The following ABCC4 variants were observed in gnomAD, a reference collection of about 807,000 sequenced individuals.
ABCC4 encodes the protein ATP-binding cassette sub-family C member 4.
A neutral mutation model predicts 168.5 loss-of-function variants in ABCC4; 102 were observed. The observed-to-expected ratio is 0.61, with a 90% CI of 0.52 to 0.71. ABCC4 has a LOEUF of 0.71. Among genes scored for constraint, ABCC4 ranks in the 30% least tolerant of loss-of-function variants. The pLI is 0.00. For synonymous variants in ABCC4, 617 were observed against 590.7 expected (o/e 1.04, Z -0.65); for missense variants, 1,402 against 1,605.8 (o/e 0.87, Z 2.17).
At chr13:95,166,891 A>G (rs571486965) in intron 14 of ABCC4, among the ~76,000 whole-genome samples, 10 of 152,204 alleles carry the variant, frequency 6.6e-5, no homozygotes, top group African/African-American at 1.9e-4. Context: ...TCTTTACTCT[A>G]AAATTGCCCC....
chr13:95,106,290 T>C (rs998812402), intron 20 of ABCC4, among the ~76,000 whole-genome samples: 5 of 151,952 alleles, frequency 3.3e-5, no homozygotes, highest in African/African-American at 1.2e-4. Flanking sequence ...AATTGGAAGA[T>C]TACATATCAA....
At chr13:95,083,047 C>T (rs2034146892) in intron 21 of ABCC4, 93 bp downstream of exon 21, 2 of 1,397,206 alleles carry the variant, frequency 1.4e-6, no homozygotes, top group East Asian at 4.6e-5. Flanking sequence ...TTCTGGAAGA[C>T]AGAGTCTGCC....
In ABCC4 at chr13:95,062,701, T is replaced by C. The variant is rs1183571004; in HGVS notation, c.3366+3A>G. On this transcript the variant is annotated splice_donor_region_variant and intron_variant, in intron 26 of 30. Coordinates refer to ENST00000645237, the MANE Select transcript of ABCC4 (RefSeq NM_005845.5). ...GCAGGTAAGGACGCTATGACTTGCA[T>C]ACCTGAGGTATGATTGACATCTTCT... 1.2e-6 allele frequency: 2 copies of C among 1,613,334 alleles called. No homozygotes were observed. The highest frequency in any genetic ancestry group is 4.5e-5 in the East Asian group (2 of 44,868).
At chr13:95,032,400 C>A (rs988213471) in intron 30 of ABCC4, among the ~76,000 whole-genome samples, 2 of 152,200 alleles carry the variant, frequency 1.3e-5, no homozygotes, top group Admixed American at 6.5e-5. Flanking sequence ...CTGCTCTATT[C>A]TTTGGCTTAT....
In ABCC4 at chr13:95,075,423, T is replaced by C. The variant is rs1329813293; in HGVS notation, c.2806+9A>G. On this transcript the variant is annotated intron_variant, in intron 22 of 30. Transcript: ENST00000645237. The stretch of plus-strand genomic sequence containing the variant: ...TGTCCTTTGAAACCATTTCCAGAAA[T>C]AGACAGACCTGAATGTAAATCCTGG... 1.9e-5 allele frequency: 30 copies of C among 1,613,734 alleles called. No individual in the cohort carries two copies. Among genetic ancestry groups the C allele is most frequent in the Non-Finnish European group, 2.4e-5 (28 of 1,179,938 alleles).
chr13:95,168,343 C>T lies in ABCC4; in HGVS notation c.1825-1976G>A, dbSNP rs111909229. On this transcript the variant is annotated intron_variant, in intron 14 of 30. Transcript: ENST00000645237. ...GGGGGAGTGGGGAAGAGCCAGCACA[C>T]GGAACCACTTCTGAAGAGGCAGCAG... Among the ~76,000 whole-genome samples, 827 of 152,274 alleles carry T rather than the reference C, an allele frequency of 5.4e-3. 2 individuals are homozygous for T. Among genetic ancestry groups the T allele is most frequent in the Admixed American group, 7.8e-3 (119 of 15,302 alleles).
chr13:95,085,493 C>T lies in ABCC4; in HGVS notation c.2536-2203G>A, dbSNP rs114278744. On this transcript the variant is annotated intron_variant, in intron 20 of 30. Transcript: ENST00000645237. ...AGAAATATAAGGAGGAATACATGCA[C>T]ACTTTGTAGAGGTTTCTAAGGAAGA... Among the ~76,000 whole-genome samples, 525 of 152,238 alleles carry T rather than the reference C, an allele frequency of 3.4e-3. 2 individuals are homozygous for T. Among genetic ancestry groups the T allele is most frequent in the African/African-American group, 0.011 (474 of 41,558 alleles).
At chr13:95,216,115 GAAGT>G (rs1383871681) in intron 4 of ABCC4, among the ~76,000 whole-genome samples, 2 of 152,112 alleles carry the variant, frequency 1.3e-5, no homozygotes, top group East Asian at 3.8e-4. Flanking sequence ...AAACAACTAT[GAAGT>G]AAGAATTATT....
At chr13:95,102,608 T>C (rs1230605677) in intron 20 of ABCC4, among the ~76,000 whole-genome samples, 2 of 149,630 alleles carry the variant, frequency 1.3e-5, no homozygotes, top group African/African-American at 4.9e-5. Context: ...TGAAGTTATT[T>C]ACTTACAAGT....
chr13:95,247,681 T>C lies in ABCC4; in HGVS notation c.147A>G (p.Pro49=). The C allele has an allele frequency of 6.2e-7, 1 of 1,614,120 alleles. No homozygotes were observed. The highest frequency in any genetic ancestry group is 8.5e-7 in the Non-Finnish European group (1 of 1,180,004). ...CTCCAAGGTGCTGTGAGCGGTCTTC[T>C]GGCAGCACTGAATACATATCATCTT... The part of the protein sequence containing the change: ...LEEDDMYSVL[P]EDRSQHLGEE... Residue 49 remains proline, a synonymous_variant, in exon 2 of 31, where the codon CCA becomes CCG. Transcript: ENST00000645237.
intron 21 of ABCC4, 30 bp from the exon 22 acceptor site, chr13:95,075,581 G>C: frequency 6.2e-7 from 1 of 1,613,024 alleles, no homozygotes; most frequent in African/African-American, 1.3e-5. Context: ...AAACAGCTCA[G>C]TGAGGCTGGG....
At chr13:95,170,369 T>C (rs1481181365) in intron 14 of ABCC4, 163 bp downstream of exon 14, 3 of 492,422 alleles carry the variant, frequency 6.1e-6, no homozygotes, top group African/African-American at 1.9e-5. Flanking sequence ...TACGGTAATA[T>C]GGTTTAGCAT....
intron 29 of ABCC4, among the ~76,000 whole-genome samples, chr13:95,040,308 T>A (rs1348819928): frequency 2.6e-5 from 4 of 152,208 alleles, no homozygotes; most frequent in Non-Finnish European, 5.9e-5. Flanking sequence ...CTCGGCTCAC[T>A]GCAACCTCCG....
chr13:95,209,880 A>C (rs576383834), intron 5 of ABCC4, among the ~76,000 whole-genome samples: 1 of 152,384 alleles, frequency 6.6e-6, no homozygotes, highest in South Asian at 2.1e-4. Context: ...AGCATTTTCC[A>C]GAACTCTCTG....
intron 1 of ABCC4, chr13:95,266,046 G>A (rs1382820244): frequency 1.3e-5 from 2 of 152,220 alleles, no homozygotes; most frequent in Non-Finnish European, 2.9e-5. Context: ...GGCTCCTGAA[G>A]GGGGTTTAAT....
rs1013402102 is a variant in ABCC4 at position 95,073,915 on chromosome 13, G to A, written c.2917+299C>T. Among the ~76,000 whole-genome samples, 7 of 152,140 alleles carry A rather than the reference G, an allele frequency of 4.6e-5. 1 individual carries two copies. The highest frequency in any genetic ancestry group is 1.7e-4 in the African/African-American group (7 of 41,416). Reference sequence around the variant, plus strand: ...GCTAACACCCTAAGTTGGACAAAATGCTTCAGAATAAATTGGTTTTCTCTT... The same window carrying A: ...GCTAACACCCTAAGTTGGACAAAATACTTCAGAATAAATTGGTTTTCTCTT... On this transcript the variant is annotated intron_variant, in intron 23 of 30. Coordinates refer to ENST00000645237, the MANE Select transcript of ABCC4 (RefSeq NM_005845.5).
chr13:95,270,949 G>T (rs12874697), intron 1 of ABCC4, among the ~76,000 whole-genome samples: 15,764 of 152,150 alleles, frequency 0.1, 999 homozygotes, highest in East Asian at 0.25. Flanking sequence ...CAAAAAATTA[G>T]CCTGGCATGG....
intron 30 of ABCC4, among the ~76,000 whole-genome samples, chr13:95,029,213 TAGAGAGAGAGAGAGAG>T (rs1193218745): frequency 5.4e-5 from 2 of 36,906 alleles, no homozygotes; most frequent in African/African-American, 2.0e-4. Flanking sequence ...TATATATATA[TAGAGAGAGAGAGAGAG>T]AGAGAGAGAG....
chr13:95,243,712 C>A (rs530453275), intron 3 of ABCC4, among the ~76,000 whole-genome samples: 2 of 151,962 alleles, frequency 1.3e-5, no homozygotes, highest in African/African-American at 4.8e-5. Context: ...CATGGTAAAA[C>A]CTCATCTCTA....
Sources: gnomAD v4.1 joint callset for allele counts (sites outside exome capture counted in the v4.1 genomes callset) on GRCh38, gnomAD v4.1.1 for gene constraint, MANE v1.5 for transcripts, NCBI Gene and HGNC (gene_info 2026-07-23, HGNC 2026-07-21) for gene names.